Variants in CADPS observed in about 807,000 individuals in gnomAD.
CADPS encodes calcium-dependent secretion activator 1.
CADPS carries 57 observed loss-of-function variants against 167.3 expected under a neutral mutation model. The observed-to-expected ratio is 0.34, with a 90% confidence interval of 0.28 to 0.42. The LOEUF is 0.42. Ranked by LOEUF, CADPS falls within the 20% of genes least tolerant of loss-of-function variation. The probability of loss-of-function intolerance (pLI) is 1.00; values close to 1 mark genes in which losing one functional copy is unlikely to be tolerated. For missense variants in CADPS, 1,414 were observed against 1,738.1 expected, an observed-to-expected ratio of 0.81 and a Z score of 3.32; for synonymous variants, 676 against 635.3, an observed-to-expected ratio of 1.06 and a Z score of -0.96.
intron 26 of CADPS, among the ~76,000 whole-genome samples, chr3:62,460,249 A>G (rs1210744673): frequency 1.3e-5 from 2 of 152,244 alleles, no homozygotes; most frequent in African/African-American, 4.8e-5. Flanking sequence ...TCCGGCACAT[A>G]GTATGTGTTC....
intron 13 of CADPS, among the ~76,000 whole-genome samples, chr3:62,519,820 G>C (rs1295489905): frequency 1.3e-5 from 2 of 151,910 alleles, no homozygotes; most frequent in Non-Finnish European, 2.9e-5. Flanking sequence ...AAACGTCCGT[G>C]AATCTACAGT....
At chr3:62,767,370 G>A (rs371801019) in intron 1 of CADPS, among the ~76,000 whole-genome samples, 164 of 152,160 alleles carry the variant, frequency 1.1e-3, no homozygotes, top group East Asian at 4.8e-3. Context: ...ATTTTATCTC[G>A]TCCTTAGTTT....
chr3:62,585,958 C>A (rs973269983), intron 7 of CADPS, among the ~76,000 whole-genome samples: 9 of 152,300 alleles, frequency 5.9e-5, no homozygotes, highest in Admixed American at 5.2e-4. Flanking sequence ...TTAGGAAATG[C>A]CTTTCATCAG....
intron 6 of CADPS, among the ~76,000 whole-genome samples, chr3:62,640,294 A>C (rs2067163809): frequency 6.6e-6 from 1 of 152,196 alleles, no homozygotes; most frequent in South Asian, 2.1e-4. Context: ...CATTAAGAAG[A>C]TAATACATGA....
chr3:62,739,285 C>G (rs1015583700), intron 3 of CADPS, among the ~76,000 whole-genome samples: 2 of 152,190 alleles, frequency 1.3e-5, no homozygotes, highest in Non-Finnish European at 2.9e-5. Flanking sequence ...ATCTGGCCTT[C>G]TAATAGAACA....
intron 8 of CADPS, among the ~76,000 whole-genome samples, chr3:62,576,787 C>CAAAAAAAAAAAAA (rs2082346847): frequency 2.2e-5 from 1 of 44,864 alleles, no homozygotes; most frequent in Non-Finnish European, 3.5e-5. Flanking sequence ...AAGACTCTGT[C>CAAAAAAAAAAAAA]TAAAAAAAAA....
chr3:62,491,941 G>A (rs531129877), intron 20 of CADPS, among the ~76,000 whole-genome samples: 123 of 152,150 alleles, frequency 8.1e-4, no homozygotes, highest in African/African-American at 2.9e-3. Context: ...ATGTTAGTCA[G>A]CTGGAAATTT....
At chr3:62,662,954 C>T (rs2073624775) in intron 3 of CADPS, among the ~76,000 whole-genome samples, 1 of 152,056 alleles carries the variant, frequency 6.6e-6, no homozygotes, top group South Asian at 2.1e-4. Flanking sequence ...CTATCCCTGT[C>T]TTCCCTGATA....
At chr3:62,847,621 T>G (rs1407534398) in intron 1 of CADPS, among the ~76,000 whole-genome samples, 9 of 17,422 alleles carry the variant, frequency 5.2e-4, no homozygotes, top group South Asian at 4.0e-3. Flanking sequence ...TCATTTTTTA[T>G]GGCTGCATAG....
At chr3:62,819,290 A>T (rs1160677821) in intron 1 of CADPS, among the ~76,000 whole-genome samples, 2 of 152,206 alleles carry the variant, frequency 1.3e-5, no homozygotes, top group African/African-American at 4.8e-5. Context: ...ATATTAAAAA[A>T]ACACTGCAAA....
chr3:62,761,166 C>G (rs2085309671), intron 2 of CADPS, among the ~76,000 whole-genome samples: 1 of 152,052 alleles, frequency 6.6e-6, no homozygotes, highest in African/African-American at 2.4e-5. Context: ...TTAGCTGTTT[C>G]TTCTGATAAC....
intron 6 of CADPS, among the ~76,000 whole-genome samples, chr3:62,629,024 G>C (rs987019078): frequency 7.9e-5 from 12 of 151,976 alleles, no homozygotes; most frequent in African/African-American, 2.7e-4. Context: ...GACTGCAATA[G>C]GCCCCCCACT....
At chr3:62,622,850 G>A (rs1215011522) in intron 6 of CADPS, among the ~76,000 whole-genome samples, 2 of 152,132 alleles carry the variant, frequency 1.3e-5, no homozygotes, top group Admixed American at 6.5e-5. Context: ...CAGCCACAGC[G>A]CATTTTTAAT....
At chr3:62,574,600 G>A (rs1484218918) in intron 8 of CADPS, among the ~76,000 whole-genome samples, 1 of 152,310 alleles carries the variant, frequency 6.6e-6, no homozygotes, top group East Asian at 1.9e-4. Context: ...ATGTTTTCAT[G>A]CAGTAAATAG....
intron 3 of CADPS, among the ~76,000 whole-genome samples, chr3:62,675,543 T>C (rs2076210375): frequency 1.3e-5 from 2 of 152,096 alleles, no homozygotes. Context: ...TAGAAGAAAG[T>C]AGTAATCTCC....
chr3:62,677,751 TCTAA>T (rs2076548426), intron 3 of CADPS, among the ~76,000 whole-genome samples: 1 of 152,140 alleles, frequency 6.6e-6, no homozygotes, highest in East Asian at 1.9e-4. Flanking sequence ...ATGTTAATCC[TCTAA>T]CTGTTAAACC....
intron 3 of CADPS, among the ~76,000 whole-genome samples, chr3:62,729,212 T>A (rs5017290): frequency 0.33 from 49,319 of 151,534 alleles, 9,100 homozygotes; most frequent in African/African-American, 0.48. Flanking sequence ...GAGCCATTGC[T>A]CTCTCTCAAT....
rs548725126 is a variant in CADPS at position 62,560,280 on chromosome 3, G to C, written c.1645-2767C>G. 3.7e-4 allele frequency among the ~76,000 whole-genome samples: 57 copies of C among 152,314 alleles called. No individual in the cohort carries two copies. In the South Asian group the frequency reaches 0.011, roughly 30 times the overall value. On this transcript the variant is annotated intron_variant, in intron 9 of 29. Transcript: ENST00000383710. ...TGGGAGAATTGCAAAGATTTGGAAA[G>C]CCTTACATTTATTTTTTAAACTTCC...
intron 1 of CADPS, among the ~76,000 whole-genome samples, chr3:62,781,184 C>G (rs904807155): frequency 2.0e-5 from 3 of 152,126 alleles, no homozygotes; most frequent in East Asian, 3.9e-4. Flanking sequence ...AACCAGGAGA[C>G]TTGTCCTAGG....
Sources: allele counts gnomAD v4.1 joint callset (sites outside exome capture counted in the v4.1 genomes callset), GRCh38; gene constraint gnomAD v4.1.1; transcripts MANE v1.5; gene names NCBI Gene and HGNC (gene_info 2026-07-23, HGNC 2026-07-21).